STK32B: variants seen among roughly 807,000 people sequenced by gnomAD.
STK32B encodes the protein serine/threonine kinase 32B.
STK32B carries 43 observed loss-of-function variants against 52.6 expected under a neutral mutation model. The observed-to-expected ratio is 0.82, with a 90% confidence interval of 0.64 to 1.05. The LOEUF (loss-of-function observed/expected upper bound fraction) is 1.05. STK32B is among the 50% of genes least tolerant of loss of function. The pLI is 0.00. For synonymous variants in STK32B, 238 were observed against 204.3 expected (o/e 1.17, Z -1.41); for missense variants, 621 against 534.6 (o/e 1.16, Z -1.59).
chr4:5,230,436 C>T (rs899205210), intron 3 of STK32B, among the ~76,000 whole-genome samples: 2 of 151,958 alleles, frequency 1.3e-5, no homozygotes, highest in South Asian at 2.1e-4. Flanking sequence ...CTGATCCACC[C>T]GCTTTGGCCT....
chr4:5,025,486 C>T, the STK32B span, among the ~76,000 whole-genome samples: 1 of 152,202 alleles, frequency 6.6e-6, no homozygotes, highest in South Asian at 2.1e-4. Context: ...CTCAGCTGAG[C>T]TCCTAACTCA....
At chr4:5,177,039 G>A (rs938864408) in intron 3 of STK32B, among the ~76,000 whole-genome samples, 21 of 152,248 alleles carry the variant, frequency 1.4e-4, no homozygotes, top group African/African-American at 4.8e-4. Context: ...AAGAAGACAT[G>A]AAAGTATATT....
intron 2 of STK32B, among the ~76,000 whole-genome samples, chr4:5,159,584 T>A (rs1718195968): frequency 8.8e-6 from 1 of 113,784 alleles, no homozygotes; most frequent in Non-Finnish European, 1.6e-5. Flanking sequence ...TGAATATATA[T>A]ATGAATATAT....
At chr4:5,418,627 A>G (rs577343933) in intron 6 of STK32B, among the ~76,000 whole-genome samples, 2 of 152,232 alleles carry the variant, frequency 1.3e-5, no homozygotes, top group Non-Finnish European at 2.9e-5. Flanking sequence ...CAGAGGTACA[A>G]CTTTTGCCGC....
chr4:5,157,319 AAG>A, intron 2 of STK32B, among the ~76,000 whole-genome samples: 1 of 151,560 alleles, frequency 6.6e-6, no homozygotes, highest in East Asian at 1.9e-4. Context: ...AAAAAAAAAA[AAG>A]CTGAACAAGG....
rs202157359 is a variant in STK32B at position 5,302,209 on chromosome 4, T to TA, written c.261-29000dup. On this transcript the variant is annotated intron_variant, in intron 3 of 11. Coordinates refer to ENST00000282908, the MANE Select transcript of STK32B (RefSeq NM_018401.3). ...TATAATTTCAAAATTACAAAAATTG[T>TA]AAAAAAAAAAATCACAAAGAATTAT... 9.3e-3 allele frequency among the ~76,000 whole-genome samples: 1,295 copies of TA among 138,720 alleles called. 16 individuals carry two copies. Among genetic ancestry groups the TA allele is most frequent in the Non-Finnish European group, 0.013 (881 of 65,728 alleles). The allele number at this position is 138,720 out of a possible 152,430, so 91.0% of individuals were successfully genotyped here.
At chr4:5,227,527 T>C (rs1723960084) in intron 3 of STK32B, among the ~76,000 whole-genome samples, 1 of 152,200 alleles carries the variant, frequency 6.6e-6, no homozygotes, top group Non-Finnish European at 1.5e-5. Flanking sequence ...AAAGACGAAT[T>C]TTCACTTGAA....
chr4:5,464,725 C>A (rs1717302916), intron 9 of STK32B, among the ~76,000 whole-genome samples: 1 of 152,148 alleles, frequency 6.6e-6, no homozygotes, highest in Non-Finnish European at 1.5e-5. Flanking sequence ...GCATTCTCAG[C>A]AAGGTTAGGC....
rs182083367 is a variant in STK32B, at chr4:5,399,817, G to A, written c.472+1573G>A. Among the ~76,000 whole-genome samples, 24 of 152,264 alleles carry A rather than the reference G, an allele frequency of 1.6e-4. No homozygotes were observed. Among genetic ancestry groups the A allele is most frequent in the African/African-American group, 4.1e-4 (17 of 41,572 alleles). On this transcript the variant is annotated intron_variant, in intron 5 of 11. Transcript: ENST00000282908. The surrounding 1 kb of genome is among the most constrained non-coding windows in gnomAD (Gnocchi z 5.4). ...CAGCCACCCATCACAGTATGCAAGC[G>A]CTCGGGAAGGGGTAGATAACTCGCC...
Position 5,416,843 on chromosome 4 carries a change from A to AGGACAT in STK32B, c.473_478dup. On this transcript the variant is annotated splice_acceptor_variant, in intron 5 of 11. Coordinates refer to ENST00000282908, the MANE Select transcript of STK32B (RefSeq NM_018401.3). LOFTEE classifies it high-confidence loss of function. ...CTGGAGTTTCTGTTTCTGTATTTGC[A>AGGACAT]GGACATGTTCACATTACAGACTTCA... is the stretch of plus-strand genomic sequence containing the variant. 6.2e-7 allele frequency: 1 copy of AGGACAT among 1,613,296 alleles called. No individual in the cohort carries two copies. The highest frequency in any genetic ancestry group is 1.1e-5 in the South Asian group (1 of 90,758).
intron 1 of STK32B, among the ~76,000 whole-genome samples, chr4:5,099,563 C>G (rs1035084799): frequency 6.6e-6 from 1 of 152,108 alleles, no homozygotes. Flanking sequence ...AAGAAGATTG[C>G]TTCAAATTTT....
chr4:5,177,579 A>G (rs979297784), intron 3 of STK32B, among the ~76,000 whole-genome samples: 4 of 152,192 alleles, frequency 2.6e-5, no homozygotes, highest in Admixed American at 6.5e-5. Context: ...CATTAACTCA[A>G]AAGTCCAAGT....
At chr4:5,037,117 C>T in the STK32B span, among the ~76,000 whole-genome samples, 2 of 152,154 alleles carry the variant, frequency 1.3e-5, no homozygotes, top group African/African-American at 2.4e-5. Context: ...TTGTGGGTGG[C>T]TGTCTAGTGC....
intron 1 of STK32B, among the ~76,000 whole-genome samples, chr4:5,124,391 C>T (rs903792905): frequency 9.2e-5 from 14 of 152,132 alleles, no homozygotes; most frequent in African/African-American, 3.4e-4. Context: ...CTTCTTGGCC[C>T]CCAGCCCATT....
At chr4:5,339,509 A>G (rs1381100906) in intron 4 of STK32B, among the ~76,000 whole-genome samples, 1 of 152,140 alleles carries the variant, frequency 6.6e-6, no homozygotes, top group African/African-American at 2.4e-5. Flanking sequence ...ATGTATGGAA[A>G]TGCTGTGCAA....
At chr4:5,123,173 C>T (rs532815815) in intron 1 of STK32B, among the ~76,000 whole-genome samples, 1 of 152,232 alleles carries the variant, frequency 6.6e-6, no homozygotes, top group African/African-American at 2.4e-5. Context: ...TCACTCATGC[C>T]CCAAGCTGTA....
At chr4:5,388,529 C>T (rs954688389) in intron 4 of STK32B, among the ~76,000 whole-genome samples, 29 of 152,132 alleles carry the variant, frequency 1.9e-4, no homozygotes, top group African/African-American at 4.3e-4. Context: ...ACTGCAGGAC[C>T]GTAGGACCCC....
At chr4:5,295,793 AT>A (rs1729158086) in intron 3 of STK32B, among the ~76,000 whole-genome samples, 3 of 151,748 alleles carry the variant, frequency 2.0e-5, no homozygotes, top group Non-Finnish European at 4.4e-5. Flanking sequence ...GATCTTAGTT[AT>A]TTCTTGTCTT....
intron 3 of STK32B, among the ~76,000 whole-genome samples, chr4:5,240,271 C>T (rs1724930998): frequency 6.6e-6 from 1 of 152,026 alleles, no homozygotes; most frequent in African/African-American, 2.4e-5. Flanking sequence ...TTGATGTTTT[C>T]CCGCCAATCT....
Sources: gnomAD v4.1 joint callset for allele counts (sites outside exome capture counted in the v4.1 genomes callset) on GRCh38, gnomAD v4.1.1 for gene constraint, Gnocchi (gnomAD v3.1) non-coding constraint, MANE v1.5 for transcripts, NCBI Gene and HGNC (gene_info 2026-07-23, HGNC 2026-07-21) for gene names.